The following NEB variants were observed in gnomAD, a reference collection of about 807,000 sequenced individuals.
NEB encodes the protein nebulin, also known as nemaline myopathy type 2.
Under a neutral mutation model 952.2 loss-of-function variants are expected in NEB, and 512 were observed. The observed-to-expected ratio is 0.54, with a 90% confidence interval of 0.50 to 0.58. The LOEUF is 0.58. Among genes scored for constraint, NEB ranks in the 20% least tolerant of loss-of-function variants. The pLI is 0.00. For missense variants in NEB, 8,428 were observed against 9,231.1 expected, an observed-to-expected ratio of 0.91 and a Z score of 3.56; for synonymous variants, 2,900 against 3,149.8, an observed-to-expected ratio of 0.92 and a Z score of 2.66.
At chr2:151,723,521 T>G in intron 8 of NEB, 35 bp from the exon 9 acceptor site, 1 of 1,447,298 alleles carries the variant, frequency 6.9e-7, no homozygotes, top group Non-Finnish European at 9.6e-7. Context: ...TAGGAGGAAG[T>G]AGGGTCACGT....
chr2:151,673,845 G>T (rs567312873), intron 36 of NEB, among the ~76,000 whole-genome samples: 47 of 151,178 alleles, frequency 3.1e-4, no homozygotes, highest in Non-Finnish European at 5.8e-4. Context: ...GCCATTCTCG[G>T]GCCTCAGCCT....
rs772830686 is a variant in NEB, at chr2:151,570,376, T to C, written c.17135A>G (p.Asp5712Gly). 56 of 1,580,574 alleles carry C rather than the reference T, an allele frequency of 3.5e-5. No homozygotes were observed. The South Asian group carries it at 6.4e-4, about 18-fold the overall frequency. Residue 5712 changes from aspartate (D) to glycine (G), a missense_variant, in exon 109 of 182, where the codon GAC (aspartate) becomes GGC (glycine). This residue lies in a region of NEB where 3,374 missense variants were observed against 3,651.5 expected (regional missense o/e 0.92). Transcript: ENST00000397345. ...EIASDYKYKL[D>G]HEKQKGHYVG... is the part of the protein sequence containing the mutation. ...GTAGTGTCCCTTCTGCTTCTCATGG[T>C]CAAGCTTATATTTATACTGGAGATG...
intron 142 of NEB, among the ~76,000 whole-genome samples, chr2:151,533,757 G>C (rs894807843): frequency 6.6e-6 from 1 of 152,186 alleles, no homozygotes. Flanking sequence ...CTTGTGAATG[G>C]GGAATGATAC....
chr2:151,620,347 GTATATATATATATATA>G (rs71000481), intron 72 of NEB, among the ~76,000 whole-genome samples: 147 of 48,468 alleles, frequency 3.0e-3, no homozygotes, highest in South Asian at 5.3e-3. Flanking sequence ...GTATGTGTGT[GTATATATATATATATA>G]TATATATATA....
At chr2:151,685,957 A>G (rs2099494729) in intron 27 of NEB, among the ~76,000 whole-genome samples, 1 of 152,174 alleles carries the variant, frequency 6.6e-6, no homozygotes, top group Non-Finnish European at 1.5e-5. Context: ...CTTCCTTCTC[A>G]TATTTTGTGG....
Position 151,533,567 on chromosome 2 carries a change from G to T in NEB, c.21313-21C>A, listed in dbSNP as rs970600617. On this transcript the variant is annotated intron_variant, in intron 142 of 181. Coordinates refer to ENST00000397345, the MANE Select transcript of NEB (RefSeq NM_001164508.2). ...TTTCTCTGTCCATGCAAAGAGCAGT[G>T]AAGCACAAAAGAGACTTATGAAGAC... 10 of 1,472,790 alleles carry T rather than the reference G, an allele frequency of 6.8e-6. No homozygotes were observed. In the Admixed American group the frequency reaches 1.2e-4, roughly 17 times the overall value. 91.2% of individuals were successfully genotyped at this position (1,472,790 alleles called of 1,614,324 possible).
Position 151,659,123 on chromosome 2 carries a change from A to T in NEB, c.6017T>A (p.Ile2006Asn). 2.5e-6 allele frequency: 4 copies of T among 1,613,182 alleles called. No individual in the cohort carries two copies. The highest frequency in any genetic ancestry group is 3.4e-6 in the Non-Finnish European group (4 of 1,179,288). ...AATAATCTGGGGGATATCAGGCATGATGTGGACTTTGGTTTTGTCAGCCTC... is the reference window on the plus strand; with the variant it reads ...AATAATCTGGGGGATATCAGGCATGTTGTGGACTTTGGTTTTGTCAGCCTC... ...AWEADKTKVH[I>N]MPDIPQIILA... The change falls in exon 47 of 182, where the codon ATC becomes AAC. Residue 2006 changes from isoleucine to asparagine, a missense_variant. Ile to Asn is a moderately radical substitution (Grantham distance 149). Around this residue, in one of 11 missense-constraint regions of NEB, gnomAD observed 2,851 missense variants for 2,791.5 expected, o/e 1.02. Transcript: ENST00000397345.
At position 151,614,603 on chromosome 2, in the gene NEB, T is replaced by G. The variant is rs779034077; in HGVS notation, c.11290-16A>C. 1 of 1,602,948 alleles carries G rather than the reference T, an allele frequency of 6.2e-7. No individual in the cohort carries two copies. The highest frequency in any genetic ancestry group is 8.5e-7 in the Non-Finnish European group (1 of 1,171,048). On this transcript the variant is annotated splice_polypyrimidine_tract_variant and intron_variant, in intron 76 of 181. Transcript: ENST00000397345. ...TGTACTTGTACTAAAAAAATAGAGA[T>G]ATGAGTATAATGACAAGAACATCTT...
intron 137 of NEB, 40 bp from the exon 138 acceptor site, chr2:151,540,488 T>C (rs1188608952): frequency 1.4e-6 from 2 of 1,474,438 alleles, no homozygotes; most frequent in Non-Finnish European, 1.9e-6. Context: ...AGCTTAAGTG[T>C]CTTCCCAATT....
Position 151,570,142 on chromosome 2 carries a change from G to A in NEB, c.17369C>T (p.Thr5790Ile), listed in dbSNP as rs752014573. The A allele has an allele frequency of 2.2e-5, 35 of 1,613,166 alleles. No individual in the cohort carries two copies. The Middle Eastern group carries it at 6.6e-4, about 30-fold the overall frequency. ...MDYRNYLHQW[T>I]CMPDQNDVIQ... ...CACATCGTTCTGGTCGGGCATGCAG[G>A]TCCACTGGTGCAGGTAATTGCGGTA... The change falls in exon 109 of 182, where the codon ACC (threonine) becomes ATC (isoleucine). Residue 5790 changes from threonine to isoleucine, a missense_variant. Thr to Ile is a moderately conservative substitution (Grantham distance 89). Around this residue, in one of 11 missense-constraint regions of NEB, gnomAD observed 3,374 missense variants for 3,651.5 expected, o/e 0.92. Coordinates refer to ENST00000397345, the MANE Select transcript of NEB (RefSeq NM_001164508.2).
rs182281052 is a variant in NEB at position 151,575,942 on chromosome 2, G to A, written c.16909-143C>T. ...AGATTTCTGGAATCTTTTCACGTAA[G>A]TTACTCAAATTTGATATAAAATCTG... On this transcript the variant is annotated intron_variant, in intron 106 of 181. Transcript: ENST00000397345. The A allele has an allele frequency of 3.9e-6, 3 of 770,246 alleles. No homozygotes were observed. In the Admixed American group the frequency reaches 7.5e-5, roughly 19 times the overall value. The allele number at this position is 770,246 out of a possible 1,614,324, so 47.7% of individuals were successfully genotyped here. A position where few individuals can be genotyped will look rare whatever the true frequency, so the allele number is the denominator to read the frequency against.
At position 151,642,827 on chromosome 2, in the gene NEB, G is replaced by A; in HGVS notation, c.8203C>T (p.His2735Tyr). The change falls in exon 59 of 182, where the codon CAC (histidine) becomes TAC (tyrosine). Residue 2735 changes from histidine to tyrosine, a missense_variant. By Grantham distance (83) the His-to-Tyr change is moderately conservative. Transcript: ENST00000397345. ...ACTTCAGGGGTATCTGGCATAATGT[G>A]GACAGTGGTTTTATCTTTATCCCAA... is the stretch of plus-strand genomic sequence containing the variant. ...EAWDKDKTTV[H>Y]IMPDTPEVLL... The A allele has an allele frequency of 6.2e-7, 1 of 1,612,864 alleles. No homozygotes were observed. The highest frequency in any genetic ancestry group is 8.5e-7 in the Non-Finnish European group (1 of 1,179,308).
rs762136090 is a variant in NEB, at chr2:151,545,880, G to A, written c.20577+8C>T. Reference sequence around the variant, plus strand: ...GATTGACTTCAATGACAAGTAAAGCGTCCTTACCTCACTCAGATGTGTCTT... The same window carrying A: ...GATTGACTTCAATGACAAGTAAAGCATCCTTACCTCACTCAGATGTGTCTT... On this transcript the variant is annotated splice_region_variant and intron_variant, in intron 135 of 181. Transcript: ENST00000397345. 22 of 1,527,346 alleles carry A rather than the reference G, an allele frequency of 1.4e-5. No individual in the cohort carries two copies. The highest frequency in any genetic ancestry group is 1.7e-4 in the Middle Eastern group (1 of 5,846). 94.6% of individuals were successfully genotyped at this position (1,527,346 alleles called of 1,614,324 possible).
chr2:151,627,112 T>C lies in NEB; in HGVS notation c.10237A>G (p.Ile3413Val). 6.2e-7 allele frequency: 1 copy of C among 1,613,974 alleles called. No homozygotes were observed. The highest frequency in any genetic ancestry group is 8.5e-7 in the Non-Finnish European group (1 of 1,179,862). Residue 3413 changes from isoleucine (I) to valine (V), a missense_variant, in exon 70 of 182, where the codon ATA (isoleucine) becomes GTA (valine). Physicochemically the swap from Ile to Val is conservative, Grantham distance 29. Around this residue, in one of 11 missense-constraint regions of NEB, gnomAD observed 1,772 missense variants for 1,960.3 expected, o/e 0.90. Transcript: ENST00000397345. ...DVVKCKRAAEILSDNIYRQPP... is the reference protein window; with the variant it reads ...DVVKCKRAAEVLSDNIYRQPP... ...TGGCGGTAGATGTTATCACTCAGTA[T>C]TTCAGCAGCTCTCTTGCACTTGACC...
At chr2:151,564,021 T>A in intron 117 of NEB, 91 bp from the exon 118 acceptor site, 1 of 926,190 alleles carries the variant, frequency 1.1e-6, no homozygotes, top group Non-Finnish European at 1.7e-6. Flanking sequence ...GTGAAACATG[T>A]ATGTTCAAGG....
In NEB at chr2:151,576,239, C is replaced by T. The variant is rs374740079; in HGVS notation, c.16820G>A (p.Arg5607Gln). ...GTACTTAAGGTTCACCACAGGCGTCCGATAGACACTGTCACAAAAGATATT... is the reference window on the plus strand; with the variant it reads ...GTACTTAAGGTTCACCACAGGCGTCTGATAGACACTGTCACAAAAGATATT... ...AQNIFCDSVY[R>Q]TPVVNLKYTS... The change falls in exon 106 of 182, where the codon CGG becomes CAG. Residue 5607 changes from arginine (R) to glutamine (Q), a missense_variant. Physicochemically the swap from Arg to Gln is conservative, Grantham distance 43 (BLOSUM62 1). This residue lies in a region of NEB where 3,374 missense variants were observed against 3,651.5 expected (regional missense o/e 0.92). Transcript: ENST00000397345. The T allele has an allele frequency of 4.9e-5, 79 of 1,610,982 alleles. No individual in the cohort carries two copies. The highest frequency in any genetic ancestry group is 2.4e-4 in the South Asian group (22 of 90,888).
At chr2:151,623,110 G>A (rs1016840946) in intron 71 of NEB, among the ~76,000 whole-genome samples, 9 of 152,280 alleles carry the variant, frequency 5.9e-5, no homozygotes, top group African/African-American at 2.2e-4. Context: ...GTAACCTCAA[G>A]GATGGTAGGT....
intron 144 of NEB, 85 bp downstream of exon 144, chr2:151,531,707 A>T: frequency 9.5e-7 from 1 of 1,055,798 alleles, no homozygotes; most frequent in Non-Finnish European, 1.4e-6. Context: ...GTAGTCTCCC[A>T]GACTTTGTGA....
In NEB at chr2:151,614,728, A is replaced by C. The variant is rs1159490685; in HGVS notation, c.11290-141T>G. 7.8e-5 allele frequency: 84 copies of C among 1,081,610 alleles called. 1 individual carries two copies. The highest frequency in any genetic ancestry group is 1.0e-4 in the Non-Finnish European group (81 of 774,296). The allele number at this position is 1,081,610 out of a possible 1,614,324, so 67.0% of individuals were successfully genotyped here. On this transcript the variant is annotated intron_variant, in intron 76 of 181. Transcript: ENST00000397345. ...AGTGAGTATCATCAACCCTATTTTT[A>C]AAAGTCAAAACCTGAACCTAGCAGG... is the stretch of plus-strand genomic sequence containing the variant.
Sources: gnomAD v4.1 joint callset for allele counts (sites outside exome capture counted in the v4.1 genomes callset) on GRCh38, gnomAD v4.1.1 for gene constraint, gnomAD v4.1.1 regional missense constraint, MANE v1.5 for transcripts, NCBI Gene and HGNC (gene_info 2026-07-23, HGNC 2026-07-21) for gene names.